Variants in ADARB2 observed in about 807,000 individuals in gnomAD.
ADARB2 encodes the protein adenosine deaminase RNA specific B2 (inactive).
In ADARB2, 25 loss-of-function variants were observed where a neutral mutation model predicts 62.2. The ratio of observed to expected loss-of-function variants is 0.40; its 90% CI spans 0.29 to 0.56. The LOEUF (loss-of-function observed/expected upper bound fraction) is 0.56, where lower values mean the gene tolerates loss of function less well. Among genes scored for constraint, ADARB2 ranks in the 20% least tolerant of loss-of-function variants. The pLI, the probability that ADARB2 is intolerant of heterozygous loss-of-function variation, is 0.43. For missense variants in ADARB2, 1,071 were observed against 1,077.4 expected (o/e 0.99, Z 0.08); for synonymous variants, 572 against 500.8 (o/e 1.14, Z -1.90).
At chr10:1,736,335 C>T (rs1835300218) in intron 1 of ADARB2, among the ~76,000 whole-genome samples, 1 of 152,216 alleles carries the variant, frequency 6.6e-6, no homozygotes, top group African/African-American at 2.4e-5. Context: ...CTAACTTCAG[C>T]GCGGCCCAGC....
chr10:1,666,497 G>A (rs1437926761), intron 1 of ADARB2, among the ~76,000 whole-genome samples: 1 of 152,224 alleles, frequency 6.6e-6, no homozygotes. Flanking sequence ...AAAGCTGCCC[G>A]AGGATTTTTG....
chr10:1,707,206 G>A (rs183736209), intron 1 of ADARB2, among the ~76,000 whole-genome samples: 3 of 152,188 alleles, frequency 2.0e-5, no homozygotes, highest in Non-Finnish European at 2.9e-5. Context: ...GCTCAGCACC[G>A]CGGCCCCGAT....
chr10:1,243,007 C>T (rs1172004805), intron 4 of ADARB2, among the ~76,000 whole-genome samples: 1 of 152,214 alleles, frequency 6.6e-6, no homozygotes, highest in Non-Finnish European at 1.5e-5. Flanking sequence ...TTGCTGTGCT[C>T]TAACAGGTCT....
chr10:1,575,473 T>C (rs4259761), intron 1 of ADARB2, among the ~76,000 whole-genome samples: 87,480 of 151,860 alleles, frequency 0.58, 25,541 homozygotes, highest in Non-Finnish European at 0.64. Flanking sequence ...AGCAGAGACA[T>C]GGGAGAAAAG....
In ADARB2 at chr10:1,179,209, C is replaced by CAAA. The variant is rs57572696; in HGVS notation, c.*3981_*3983dup. 2 of 145,628 alleles carry CAAA rather than the reference C, an allele frequency of 1.4e-5. No homozygotes were observed. Among genetic ancestry groups the CAAA allele is most frequent in the African/African-American group, 5.0e-5 (2 of 40,060 alleles). The allele number at this position is 145,628 out of a possible 1,614,324, so 9.0% of individuals were successfully genotyped here. ...CTCCAGACGTGATAAACATTATATC[C>CAAA]AAAAAAAAAAGCATGCGACTTTGTT... On this transcript the variant is annotated 3_prime_UTR_variant, in exon 10 of 10. Transcript: ENST00000381312.
intron 3 of ADARB2, among the ~76,000 whole-genome samples, chr10:1,297,643 G>A (rs1420013589): frequency 2.0e-5 from 3 of 152,194 alleles, no homozygotes; most frequent in African/African-American, 7.2e-5. Flanking sequence ...TCTCCTCTTG[G>A]AACAGTCTTA....
At chr10:1,225,987 T>A (rs1263621784) in intron 6 of ADARB2, among the ~76,000 whole-genome samples, 2 of 152,192 alleles carry the variant, frequency 1.3e-5, no homozygotes, top group East Asian at 1.9e-4. Context: ...TTCTCCTGGA[T>A]AATATCCTGC....
intron 1 of ADARB2, among the ~76,000 whole-genome samples, chr10:1,582,474 T>C (rs1027625702): frequency 6.6e-6 from 1 of 152,214 alleles, no homozygotes; most frequent in Non-Finnish European, 1.5e-5. Context: ...AGACCAGAAA[T>C]GGCCTTCGAA....
rs552864829 is a variant in ADARB2, at chr10:1,636,268, A to G, written c.100+100783T>C. 3.9e-5 allele frequency among the ~76,000 whole-genome samples: 6 copies of G among 152,308 alleles called. No individual in the cohort carries two copies. The South Asian group carries it at 1.2e-3, about 32-fold the overall frequency. Reference sequence around the variant, plus strand: ...GCAGTGGCTCACGCCTGTAATCCCAATACTTTGGGAGGCTGAAGCAGGCGG... The same window carrying G: ...GCAGTGGCTCACGCCTGTAATCCCAGTACTTTGGGAGGCTGAAGCAGGCGG... On this transcript the variant is annotated intron_variant, in intron 1 of 9. Transcript: ENST00000381312.
At chr10:1,524,097 G>GATAA (rs1832109906) in intron 1 of ADARB2, among the ~76,000 whole-genome samples, 1 of 151,818 alleles carries the variant, frequency 6.6e-6, no homozygotes, top group Non-Finnish European at 1.5e-5. Flanking sequence ...TAGATAGATA[G>GATAA]ATAGATTAGA....
intron 1 of ADARB2, among the ~76,000 whole-genome samples, chr10:1,510,127 TC>T (rs1831913025): frequency 7.5e-6 from 1 of 133,278 alleles, no homozygotes; most frequent in African/African-American, 3.0e-5. Flanking sequence ...TTTCTTTCTT[TC>T]TTTCTTTCTT....
intron 1 of ADARB2, among the ~76,000 whole-genome samples, chr10:1,592,341 T>C (rs1833269490): frequency 7.2e-6 from 1 of 139,448 alleles, no homozygotes; most frequent in African/African-American, 2.7e-5. Context: ...CCACCCTCCA[T>C]AGGTCTCCTC....
chr10:1,460,810 A>C (rs146383214), intron 1 of ADARB2, among the ~76,000 whole-genome samples: 4,563 of 109,062 alleles, frequency 0.042, 792 homozygotes, highest in Middle Eastern at 0.081. Flanking sequence ...CCTGTCTGTG[A>C]CCTGAGTTTA....
chr10:1,679,543 C>T (rs1408026182), intron 1 of ADARB2, among the ~76,000 whole-genome samples: 1 of 152,140 alleles, frequency 6.6e-6, no homozygotes, highest in Non-Finnish European at 1.5e-5. Flanking sequence ...CCACTTGGTG[C>T]AACTCCTGGG....
Position 1,395,466 on chromosome 10 carries a change from C to A in ADARB2, c.101-16306G>T, listed in dbSNP as rs994365502. On this transcript the variant is annotated intron_variant, in intron 1 of 9. Coordinates refer to ENST00000381312, the MANE Select transcript of ADARB2 (RefSeq NM_018702.4). The stretch of plus-strand genomic sequence containing the variant: ...AGGTCCTTCCTGCCCTCCTCTAACT[C>A]CTCCAGCCCTGATGACCGCAGCCTC... 2.0e-5 allele frequency among the ~76,000 whole-genome samples: 3 copies of A among 152,182 alleles called. No individual in the cohort carries two copies. The East Asian group carries it at 5.8e-4, about 29-fold the overall frequency.
chr10:1,221,129 T>G (rs1204602872), intron 6 of ADARB2, among the ~76,000 whole-genome samples: 4 of 152,142 alleles, frequency 2.6e-5, no homozygotes, highest in African/African-American at 9.7e-5. Flanking sequence ...AAAATGCCAG[T>G]CCAACCAGCA....
At chr10:1,616,848 C>T (rs1483331132) in intron 1 of ADARB2, among the ~76,000 whole-genome samples, 18 of 139,168 alleles carry the variant, frequency 1.3e-4, no homozygotes, top group African/African-American at 2.4e-4. Flanking sequence ...CACTCCACAC[C>T]GCCCTGCTGT....
At chr10:1,496,635 ATCATCG>A (rs1831695948) in intron 1 of ADARB2, among the ~76,000 whole-genome samples, 1 of 152,010 alleles carries the variant, frequency 6.6e-6, no homozygotes, top group South Asian at 2.1e-4. Flanking sequence ...CATCATCATC[ATCATCG>A]TATGGTTATC....
At chr10:1,609,410 C>T (rs1049151900) in intron 1 of ADARB2, among the ~76,000 whole-genome samples, 2 of 152,234 alleles carry the variant, frequency 1.3e-5, no homozygotes, top group Admixed American at 6.5e-5. Context: ...AGGCGGCACC[C>T]CCACCTGCCA....
Sources: gnomAD v4.1 joint callset for allele counts (sites outside exome capture counted in the v4.1 genomes callset) on GRCh38, gnomAD v4.1.1 for gene constraint, MANE v1.5 for transcripts, NCBI Gene and HGNC (gene_info 2026-07-23, HGNC 2026-07-21) for gene names.